SLC24A3: variants seen among roughly 807,000 people sequenced by gnomAD.
The protein encoded by SLC24A3 is sodium/potassium/calcium exchanger 3.
A neutral mutation model predicts 75.8 loss-of-function variants in SLC24A3; 28 were observed. The ratio of observed to expected loss-of-function variants is 0.37; its 90% confidence interval spans 0.27 to 0.51. The LOEUF (loss-of-function observed/expected upper bound fraction) is 0.51. Among genes scored for constraint, SLC24A3 ranks in the 20% least tolerant of loss-of-function variants. SLC24A3 has a pLI of 0.94. For missense variants in SLC24A3, 663 were observed against 847.8 expected (o/e 0.78, Z 2.71); for synonymous variants, 372 against 334.1 (o/e 1.11, Z -1.24).
In SLC24A3 at chr20:19,526,701, G is replaced by T. The variant is rs2030204946; in HGVS notation, c.348+11137G>T. On this transcript the variant is annotated intron_variant, in intron 3 of 16. Coordinates refer to ENST00000328041, the MANE Select transcript of SLC24A3 (RefSeq NM_020689.4). ...ATGGTGGGGAGAGTGGGTTTTCAGA[G>T]TTAGACTTCCTGGGTTCAAACCCCA... Among the ~76,000 whole-genome samples, 3 of 152,190 alleles carry T rather than the reference G, an allele frequency of 2.0e-5. No individual in the cohort carries two copies. The South Asian group carries it at 6.2e-4, about 32-fold the overall frequency.
chr20:19,583,691 C>G (rs1247704620), intron 4 of SLC24A3, among the ~76,000 whole-genome samples: 7 of 152,224 alleles, frequency 4.6e-5, no homozygotes. Flanking sequence ...CTCCCGCCTC[C>G]TGGCAGGTCT....
At chr20:19,494,964 A>T (rs1395687221) in intron 2 of SLC24A3, among the ~76,000 whole-genome samples, 1 of 152,198 alleles carries the variant, frequency 6.6e-6, no homozygotes, top group Non-Finnish European at 1.5e-5. Flanking sequence ...AAACAGGATC[A>T]GGCAGGAAAG....
chr20:19,222,809 CTTCCTTCG>C (rs1420164201), intron 1 of SLC24A3, among the ~76,000 whole-genome samples: 72 of 144,122 alleles, frequency 5.0e-4, no homozygotes, highest in Non-Finnish European at 6.6e-4. Flanking sequence ...TCCTTCCTTC[CTTCCTTCG>C]TTCCTTCCTT....
At chr20:19,631,368 T>C (rs1359986036) in intron 6 of SLC24A3, among the ~76,000 whole-genome samples, 1 of 152,086 alleles carries the variant, frequency 6.6e-6, no homozygotes, top group Non-Finnish European at 1.5e-5. Context: ...TAAAAAGATA[T>C]TGTGAATATT....
intron 3 of SLC24A3, among the ~76,000 whole-genome samples, chr20:19,516,509 G>C (rs1404417611): frequency 6.6e-6 from 1 of 152,246 alleles, no homozygotes; most frequent in Non-Finnish European, 1.5e-5. Flanking sequence ...CAGTGGGAAT[G>C]CTGCTCCACG....
intron 2 of SLC24A3, among the ~76,000 whole-genome samples, chr20:19,392,388 A>G (rs1986382620): frequency 6.6e-6 from 1 of 152,170 alleles, no homozygotes; most frequent in Non-Finnish European, 1.5e-5. Flanking sequence ...TTGAGAGTGG[A>G]GGATATAGGA....
At position 19,715,540 on chromosome 20, in the gene SLC24A3, G is replaced by A. The variant is rs141013117; in HGVS notation, c.1720-1988G>A. On this transcript the variant is annotated intron_variant, in intron 15 of 16. Transcript: ENST00000328041. ...TTGACTCACAGGGATTGCAAGTCAC[G>A]AGAGAAAGAGTCCAGCTCAATCCCT... 7.7e-3 allele frequency among the ~76,000 whole-genome samples: 1,172 copies of A among 152,306 alleles called. 5 individuals are homozygous for A. The highest frequency in any genetic ancestry group is 0.034 in the Middle Eastern group (10 of 294).
At chr20:19,547,178 A>G (rs1168752452) in intron 3 of SLC24A3, among the ~76,000 whole-genome samples, 1 of 152,172 alleles carries the variant, frequency 6.6e-6, no homozygotes, top group Admixed American at 6.5e-5. Flanking sequence ...GAGGATAGGG[A>G]CCATGTCAAT....
intron 6 of SLC24A3, among the ~76,000 whole-genome samples, chr20:19,597,441 A>G (rs2031465781): frequency 6.6e-6 from 1 of 152,170 alleles, no homozygotes. Flanking sequence ...GAAAACACGT[A>G]TGGGATACAT....
At chr20:19,246,275 A>G (rs1032975540) in intron 1 of SLC24A3, among the ~76,000 whole-genome samples, 1 of 152,170 alleles carries the variant, frequency 6.6e-6, no homozygotes, top group African/African-American at 2.4e-5. Flanking sequence ...AGAAAGAATA[A>G]TAAACCTAAA....
intron 7 of SLC24A3, among the ~76,000 whole-genome samples, chr20:19,662,596 G>C (rs189275762): frequency 6.6e-6 from 1 of 152,246 alleles, no homozygotes; most frequent in Non-Finnish European, 1.5e-5. Flanking sequence ...GTGGTCATTT[G>C]CAGGAACTGC....
intron 6 of SLC24A3, among the ~76,000 whole-genome samples, chr20:19,621,402 T>C (rs1230168669): frequency 6.6e-6 from 1 of 152,192 alleles, no homozygotes; most frequent in Non-Finnish European, 1.5e-5. Flanking sequence ...GTAGAAGGGT[T>C]GTTGGTTGGT....
At chr20:19,392,356 C>A (rs1196271431) in intron 2 of SLC24A3, among the ~76,000 whole-genome samples, 1 of 152,128 alleles carries the variant, frequency 6.6e-6, no homozygotes, top group Non-Finnish European at 1.5e-5. Flanking sequence ...ACATGGATTC[C>A]AGCATGTTCT....
intron 2 of SLC24A3, among the ~76,000 whole-genome samples, chr20:19,334,350 C>G (rs1273177250): frequency 6.6e-6 from 1 of 150,754 alleles, no homozygotes; most frequent in East Asian, 2.0e-4. Flanking sequence ...ATAAAATGAT[C>G]AAACTGAGAA....
intron 1 of SLC24A3, among the ~76,000 whole-genome samples, chr20:19,277,405 T>C (rs1983519431): frequency 6.6e-6 from 1 of 152,338 alleles, no homozygotes; most frequent in Non-Finnish European, 1.5e-5. Context: ...GGCTCTGATC[T>C]TAGGCAAATT....
intron 3 of SLC24A3, among the ~76,000 whole-genome samples, chr20:19,518,775 C>T (rs1330508790): frequency 5.9e-5 from 9 of 152,156 alleles, no homozygotes; most frequent in Non-Finnish European, 1.2e-4. Flanking sequence ...AGGCTTCGCC[C>T]GAAGTGACCC....
chr20:19,552,951 G>T (rs2030720354), intron 3 of SLC24A3, among the ~76,000 whole-genome samples: 1 of 152,080 alleles, frequency 6.6e-6, no homozygotes, highest in Admixed American at 6.5e-5. Flanking sequence ...GTGCGGGCCT[G>T]TGATTGTCAA....
intron 2 of SLC24A3, among the ~76,000 whole-genome samples, chr20:19,366,353 T>A (rs550113868): frequency 1.3e-5 from 2 of 152,356 alleles, no homozygotes; most frequent in South Asian, 2.1e-4. Flanking sequence ...ATGACTATTT[T>A]AAAAAACGAC....
At chr20:19,311,356 G>T (rs996905516) in intron 2 of SLC24A3, among the ~76,000 whole-genome samples, 10 of 152,114 alleles carry the variant, frequency 6.6e-5, no homozygotes, top group Admixed American at 4.6e-4. Context: ...AAATCAGGAT[G>T]AGGTCACTCA....
Sources: gnomAD v4.1 joint callset for allele counts (sites outside exome capture counted in the v4.1 genomes callset) on GRCh38, gnomAD v4.1.1 for gene constraint, MANE v1.5 for transcripts, NCBI Gene and HGNC (gene_info 2026-07-23, HGNC 2026-07-21) for gene names.